The following NTRK2 variants were observed in gnomAD, a reference collection of about 807,000 sequenced individuals.
NTRK2 encodes BDNF/NT-3 growth factors receptor.
NTRK2 carries 13 observed loss-of-function variants against 94.5 expected under a neutral mutation model. That is an observed-to-expected ratio of 0.14 (90% CI 0.09 to 0.22). The LOEUF is 0.22. Among genes scored for constraint, NTRK2 ranks in the 10% least tolerant of loss-of-function variants. The pLI, the probability that NTRK2 is intolerant of heterozygous loss-of-function variation, is 1.00. For missense variants in NTRK2, 639 were observed against 1,071.2 expected (o/e 0.60, Z 5.63); for synonymous variants, 372 against 407.4 (o/e 0.91, Z 1.05).
chr9:84,864,736 CTT>C (rs71369154), intron 13 of NTRK2, among the ~76,000 whole-genome samples: 17 of 104,602 alleles, frequency 1.6e-4, no homozygotes, highest in African/African-American at 2.4e-4. Context: ...TCTTAATTTT[CTT>C]TTTTTTTTTT....
chr9:84,936,291 G>C (rs751518782), intron 15 of NTRK2, among the ~76,000 whole-genome samples: 2 of 152,200 alleles, frequency 1.3e-5, no homozygotes, highest in Non-Finnish European at 2.9e-5. Flanking sequence ...GTGTTGCGTA[G>C]CTGAATCCAG....
At chr9:84,779,312 A>G (rs2067341069) in intron 12 of NTRK2, among the ~76,000 whole-genome samples, 1 of 152,098 alleles carries the variant, frequency 6.6e-6, no homozygotes, top group South Asian at 2.1e-4. Context: ...ACCCACGTCC[A>G]AGGGGGCTTG....
intron 14 of NTRK2, among the ~76,000 whole-genome samples, chr9:84,929,944 G>A (rs1248773359): frequency 6.6e-6 from 1 of 152,162 alleles, no homozygotes; most frequent in Non-Finnish European, 1.5e-5. Flanking sequence ...CAGCAGATTG[G>A]CTGATCACAG....
chr9:84,864,012 G>C (rs1390604306), intron 13 of NTRK2, among the ~76,000 whole-genome samples: 1 of 152,190 alleles, frequency 6.6e-6, no homozygotes, highest in Non-Finnish European at 1.5e-5. Context: ...TAGTGAGGAA[G>C]GAGAAGCAGA....
At chr9:84,865,741 A>G (rs1288792316) in intron 13 of NTRK2, among the ~76,000 whole-genome samples, 6 of 152,032 alleles carry the variant, frequency 3.9e-5, no homozygotes, top group African/African-American at 1.4e-4. Flanking sequence ...TTCACTCCCT[A>G]TTGTCTTTTC....
chr9:85,017,667 G>A (rs1832379081), intron 17 of NTRK2, among the ~76,000 whole-genome samples: 1 of 152,168 alleles, frequency 6.6e-6, no homozygotes. Flanking sequence ...AATTGAAGAG[G>A]GTTGCAATTT....
At chr9:84,910,805 G>A (rs78589865) in intron 14 of NTRK2, among the ~76,000 whole-genome samples, 9,431 of 152,226 alleles carry the variant, frequency 0.062, 338 homozygotes, top group Admixed American at 0.096. Flanking sequence ...AAAATCAGGT[G>A]CGTAAGTTTT....
At chr9:84,669,255 G>A (rs201128201), upstream of NTRK2, 1 of 152,630 alleles carries the variant, frequency 6.6e-6, no homozygotes, top group Non-Finnish European at 1.5e-5. The surrounding 1 kb of genome is among the most constrained non-coding windows in gnomAD (Gnocchi z 4.1). Flanking sequence ...CGCGGGGAGG[G>A]AGAAGGGAGG....
chr9:84,720,337 TAC>T (rs2061981150), intron 6 of NTRK2, among the ~76,000 whole-genome samples: 1 of 152,186 alleles, frequency 6.6e-6, no homozygotes, highest in Non-Finnish European at 1.5e-5. Context: ...TCTGAGAAAC[TAC>T]AGATAGAGTG....
chr9:84,857,547 A>T (rs899582148), intron 12 of NTRK2, among the ~76,000 whole-genome samples: 3 of 152,206 alleles, frequency 2.0e-5, no homozygotes, highest in African/African-American at 7.2e-5. Flanking sequence ...TTGAATGAAT[A>T]ACAGCTTCTA....
intron 11 of NTRK2, among the ~76,000 whole-genome samples, chr9:84,751,664 CTT>C (rs1387538196): frequency 1.3e-5 from 2 of 152,174 alleles, no homozygotes; most frequent in Non-Finnish European, 2.9e-5. Flanking sequence ...GCCCACCTCT[CTT>C]TCTCTCTCTC....
chr9:84,684,106 A>T (rs7317135), intron 2 of NTRK2, among the ~76,000 whole-genome samples: 1 of 151,968 alleles, frequency 6.6e-6, no homozygotes, highest in African/African-American at 2.4e-5. Context: ...CCTTTGTCAG[A>T]TGTGTAGATT....
chr9:84,670,677 C>A lies in NTRK2; in HGVS notation c.-72C>A. The A allele has an allele frequency of 6.6e-7, 1 of 1,518,918 alleles. No individual in the cohort carries two copies. The highest frequency in any genetic ancestry group is 1.1e-5 in the South Asian group (1 of 88,972). 94.1% of individuals were successfully genotyped at this position (1,518,918 alleles called of 1,614,324 possible). A position where few individuals can be genotyped will look rare whatever the true frequency, so the allele number is the denominator to read the frequency against. On this transcript the variant is annotated 5_prime_UTR_variant, in exon 2 of 19. Transcript: ENST00000277120. The stretch of plus-strand genomic sequence containing the variant: ...AGAGCCGCAAGCGCAGGGAAGGCCT[C>A]CCCGCACGGGTGGGGGAAAGCGGCC...
chr9:84,886,978 G>T (rs149359754), intron 14 of NTRK2, among the ~76,000 whole-genome samples: 72 of 152,286 alleles, frequency 4.7e-4, no homozygotes, highest in Middle Eastern at 6.8e-3. Flanking sequence ...AGTTTTTCTT[G>T]ACTGGCTTAA....
intron 14 of NTRK2, chr9:84,877,455 AC>A: frequency 9.4e-7 from 1 of 1,065,916 alleles, no homozygotes; most frequent in Non-Finnish European, 1.1e-6. Context: ...CCTCAAGGAA[AC>A]CCTGCTGGCT....
In NTRK2 at chr9:84,931,225, T is replaced by C. The variant is rs755953192; in HGVS notation, c.1634-2937T>C. 3.3e-5 allele frequency among the ~76,000 whole-genome samples: 5 copies of C among 151,942 alleles called. No individual in the cohort carries two copies. The South Asian group carries it at 1.0e-3, about 32-fold the overall frequency. On this transcript the variant is annotated intron_variant, in intron 14 of 18. Transcript: ENST00000277120. ...TTTAAGATCAGCCTGGCCAATATGGTGAAACCCCATCTCTACTAAAAATAC... is the reference window on the plus strand; with the variant it reads ...TTTAAGATCAGCCTGGCCAATATGGCGAAACCCCATCTCTACTAAAAATAC...
At position 84,670,939 on chromosome 9, in the gene NTRK2, A is replaced by G. The variant is rs781249905; in HGVS notation, c.191A>G (p.Asp64Gly). 5 of 1,606,048 alleles carry G rather than the reference A, an allele frequency of 3.1e-6. No individual in the cohort carries two copies. Among genetic ancestry groups the G allele is most frequent in the Non-Finnish European group, 4.2e-6 (5 of 1,179,982 alleles). Residue 64 changes from aspartate to glycine, a missense_variant, in exon 2 of 19, where the codon GAT (aspartate) becomes GGT (glycine). Physicochemically the swap from Asp to Gly is moderately conservative, Grantham distance 94. Around this residue, in one of 5 missense-constraint regions of NTRK2, gnomAD observed 206 missense variants for 251.5 expected, o/e 0.82. Transcript: ENST00000277120. ...CCGAGATTGGAGCCTAACAGTGTAG[A>G]TCCTGAGAACATCACCGAAATGTGA... Reference protein sequence around the residue: ...AFPRLEPNSVDPENITEIFIA... With the variant: ...AFPRLEPNSVGPENITEIFIA...
At chr9:84,899,603 C>G (rs959147078) in intron 14 of NTRK2, among the ~76,000 whole-genome samples, 40 of 152,172 alleles carry the variant, frequency 2.6e-4, no homozygotes, top group African/African-American at 9.4e-4. Flanking sequence ...AAATATAGGT[C>G]AAGAATTGGA....
intron 12 of NTRK2, among the ~76,000 whole-genome samples, chr9:84,789,747 G>A (rs2068530578): frequency 6.6e-6 from 1 of 152,028 alleles, no homozygotes; most frequent in African/African-American, 2.4e-5. Context: ...TTGCCCTCTG[G>A]CCGCAGAGAT....
Sources: allele counts gnomAD v4.1 joint callset (sites outside exome capture counted in the v4.1 genomes callset), GRCh38; gene constraint gnomAD v4.1.1; regional missense constraint gnomAD v4.1.1; non-coding constraint Gnocchi (gnomAD v3.1); transcripts MANE v1.5; gene names NCBI Gene and HGNC (gene_info 2026-07-23, HGNC 2026-07-21).